ZFP69B: variants seen among roughly 807,000 people sequenced by gnomAD.
The protein encoded by ZFP69B is zinc finger protein 69 homolog B.
A neutral mutation model predicts 19.7 loss-of-function variants in ZFP69B; 20 were observed. That is an observed-to-expected ratio of 1.02 (90% CI 0.71 to 1.48). The LOEUF (loss-of-function observed/expected upper bound fraction) is 1.48, where lower values mean the gene tolerates loss of function less well. ZFP69B is among the 40% of genes most tolerant of loss of function. The probability of loss-of-function intolerance (pLI) is 0.00; values close to 1 mark genes in which losing one functional copy is unlikely to be tolerated. For missense variants in ZFP69B, 583 were observed against 632.6 expected (o/e 0.92, Z 0.84); for synonymous variants, 220 against 222.7 (o/e 0.99, Z 0.11).
rs1444121296 is a variant in ZFP69B, at chr1:40,462,598, G to A, written c.614G>A (p.Gly205Asp). 3.1e-6 allele frequency: 5 copies of A among 1,614,102 alleles called. No individual in the cohort carries two copies. The highest frequency in any genetic ancestry group is 4.2e-6 in the Non-Finnish European group (5 of 1,180,014). ...AGCCAACAAGAGAACCAAAGAATGG[G>A]TAAGGGGCAAATCCCCCTGATGTGC... ...LESQQENQRM[G>D]KGQIPLMCKK... The change falls in exon 5 of 5, where the codon GGT (glycine) becomes GAT (aspartate). Residue 205 changes from glycine (G) to aspartate (D), a missense_variant. Transcript: ENST00000361584.
rs12407929 is a variant in ZFP69B at position 40,463,059 on chromosome 1, G to A, written c.1075G>A (p.Gly359Arg). The A allele has an allele frequency of 7.3e-3, 11,788 of 1,614,098 alleles. 980 individuals are homozygous for A. In the Admixed American group the frequency reaches 0.17, roughly 23 times the overall value. Residue 359 changes from glycine (G) to arginine (R), a missense_variant, in exon 5 of 5, where the codon GGG (glycine) becomes AGG (arginine). By Grantham distance (125) the Gly-to-Arg change is moderately radical. Coordinates refer to ENST00000361584, the MANE Select transcript of ZFP69B (RefSeq NM_023070.3). The part of the protein sequence containing the change: ...SLTQHVRIHT[G>R]EKPYECRVCE... ...TACTCAACATGTTAGAATTCATACC[G>A]GGGAAAAGCCCTATGAATGTAGGGT...
rs771403576 is a variant in ZFP69B at position 40,462,900 on chromosome 1, C to T, written c.916C>T (p.Pro306Ser). 14 of 1,614,148 alleles carry T rather than the reference C, an allele frequency of 8.7e-6. No individual in the cohort carries two copies. The South Asian group carries it at 1.3e-4, about 15-fold the overall frequency. Residue 306 changes from proline to serine, a missense_variant, in exon 5 of 5, where the codon CCT becomes TCT. Coordinates refer to ENST00000361584, the MANE Select transcript of ZFP69B (RefSeq NM_023070.3). ...EHMRIHTGEK[P>S]FRCKECGKAF... ...CATGAGAATTCATACCGGGGAGAAA[C>T]CTTTCAGATGTAAGGAATGTGGAAA...
In ZFP69B at chr1:40,450,962, ATGCTGCAGCAGCTCC is replaced by A. The variant is rs1569964188; in HGVS notation, c.4_18del (p.LeuGlnGlnLeuLeu2_?6). On this transcript the variant is annotated start_lost and inframe_deletion, in exon 1 of 5. Coordinates refer to ENST00000361584, the MANE Select transcript of ZFP69B (RefSeq NM_023070.3). ...CTCAGAAAGGAGTGCGGACGCCGTC[ATGCTGCAGCAGCTCC>A]TGATCACCCTGCCCACCGAGGCCAG... The A allele has an allele frequency of 8.4e-6, 13 of 1,547,734 alleles. No homozygotes were observed. The highest frequency in any genetic ancestry group is 1.1e-5 in the Non-Finnish European group (13 of 1,145,200).
chr1:40,451,128 C>A, intron 1 of ZFP69B, 40 bp downstream of exon 1: 2 of 1,486,454 alleles, frequency 1.3e-6, no homozygotes, highest in East Asian at 5.2e-5. Flanking sequence ...GAAAAGCAGT[C>A]CCCTCTAGTG....
rs368768268 is a variant in ZFP69B at position 40,457,573 on chromosome 1, C to T, written c.436+134C>T. The stretch of plus-strand genomic sequence containing the variant: ...AAGTTGATTCTGTTATCTCTGTCAC[C>T]CTTTTCCCACACTTCCATCTTCTCA... On this transcript the variant is annotated intron_variant, in intron 4 of 4. Coordinates refer to ENST00000361584, the MANE Select transcript of ZFP69B (RefSeq NM_023070.3). 13 of 670,888 alleles carry T rather than the reference C, an allele frequency of 1.9e-5. No homozygotes were observed. The East Asian group carries it at 2.4e-4, about 13-fold the overall frequency. The allele number at this position is 670,888 out of a possible 1,614,324, so 41.6% of individuals were successfully genotyped here. A position where few individuals can be genotyped will look rare whatever the true frequency, so the allele number is the denominator to read the frequency against.
Position 40,463,279 on chromosome 1 carries a change from C to A in ZFP69B, c.1295C>A (p.Thr432Lys). Residue 432 changes from threonine to lysine, a missense_variant, in exon 5 of 5, where the codon ACA (threonine) becomes AAA (lysine). Physicochemically the swap from Thr to Lys is moderately conservative, Grantham distance 78. Coordinates refer to ENST00000361584, the MANE Select transcript of ZFP69B (RefSeq NM_023070.3). ...NVCSKTFSHS[T>K]YLTQHQRTHT... ...TGTAGTAAAACCTTCAGCCATAGTA[C>A]ATACCTAACTCAACACCAGAGAACT... The A allele has an allele frequency of 6.2e-7, 1 of 1,614,112 alleles. No individual in the cohort carries two copies. Among genetic ancestry groups the A allele is most frequent in the Non-Finnish European group, 8.5e-7 (1 of 1,180,014 alleles).
At chr1:40,459,619 G>T (rs1473997775) in intron 4 of ZFP69B, among the ~76,000 whole-genome samples, 1 of 152,156 alleles carries the variant, frequency 6.6e-6, no homozygotes, top group Admixed American at 6.6e-5. Context: ...CAACTTTCTA[G>T]TTGCATTTGC....
In ZFP69B at chr1:40,451,108, TG is replaced by T. The variant is rs1185236900; in HGVS notation, c.127+23del. On this transcript the variant is annotated intron_variant, in intron 1 of 4. Coordinates refer to ENST00000361584, the MANE Select transcript of ZFP69B (RefSeq NM_023070.3). Reference sequence around the variant, plus strand: ...CAGAAGGTAAGAATAAACTGATGGGTGGGAGGGAGGAAAAGCAGTCCCCTCT... The same window carrying T: ...CAGAAGGTAAGAATAAACTGATGGGTGGAGGGAGGAAAAGCAGTCCCCTCT... The T allele has an allele frequency of 4.0e-6, 6 of 1,506,254 alleles. No homozygotes were observed. In the Admixed American group the frequency reaches 1.3e-4, roughly 32 times the overall value. The allele number at this position is 1,506,254 out of a possible 1,614,324, so 93.3% of individuals were successfully genotyped here. A position where few individuals can be genotyped will look rare whatever the true frequency, so the allele number is the denominator to read the frequency against.
chr1:40,456,962 G>A lies in ZFP69B; in HGVS notation c.231G>A (p.Lys77=). 6.2e-7 allele frequency: 1 copy of A among 1,613,996 alleles called. No homozygotes were observed. The highest frequency in any genetic ancestry group is 8.5e-7 in the Non-Finnish European group (1 of 1,179,962). The part of the protein sequence containing the change: ...TAESQELLTF[K]DVSVDFTQEE... ...TGTTCTAGGAACTGTTAACCTTCAA[G>A]GACGTATCTGTGGACTTCACTCAGG... is the stretch of plus-strand genomic sequence containing the variant. The change falls in exon 3 of 5, where the codon AAG becomes AAA. Residue 77 remains lysine (K), a synonymous_variant. Coordinates refer to ENST00000361584, the MANE Select transcript of ZFP69B (RefSeq NM_023070.3).
At chr1:40,455,891 A>AT (rs1414317461) in intron 2 of ZFP69B, among the ~76,000 whole-genome samples, 8 of 152,160 alleles carry the variant, frequency 5.3e-5, no homozygotes, top group Non-Finnish European at 1.2e-4. Context: ...TTTGCTGAGA[A>AT]TGATGGTTTC....
At chr1:40,460,756 G>T (rs1323223366) in intron 4 of ZFP69B, among the ~76,000 whole-genome samples, 5 of 152,090 alleles carry the variant, frequency 3.3e-5, no homozygotes, top group Non-Finnish European at 7.4e-5. Context: ...GCCGAGGCGG[G>T]CGGATCATAA....
At position 40,450,929 on chromosome 1, in the gene ZFP69B, A is replaced by C. The variant is rs755501724; in HGVS notation, c.-33A>C. Reference sequence around the variant, plus strand: ...GTGGACAAGCCCTATGGGCTAAGACAGAGGGTCCTCAGAAAGGAGTGCGGA... The same window carrying C: ...GTGGACAAGCCCTATGGGCTAAGACCGAGGGTCCTCAGAAAGGAGTGCGGA... On this transcript the variant is annotated 5_prime_UTR_variant, in exon 1 of 5. Coordinates refer to ENST00000361584, the MANE Select transcript of ZFP69B (RefSeq NM_023070.3). 6.5e-7 allele frequency: 1 copy of C among 1,530,752 alleles called. No homozygotes were observed. The highest frequency in any genetic ancestry group is 8.8e-7 in the Non-Finnish European group (1 of 1,137,474). 94.8% of individuals were successfully genotyped at this position (1,530,752 alleles called of 1,614,324 possible). A position where few individuals can be genotyped will look rare whatever the true frequency, so the allele number is the denominator to read the frequency against.
At chr1:40,462,240 GCTT>G (rs1207074808) in intron 4 of ZFP69B, among the ~76,000 whole-genome samples, 178 bp from the exon 5 acceptor site, 1 of 152,092 alleles carries the variant, frequency 6.6e-6, no homozygotes, top group Non-Finnish European at 1.5e-5. Context: ...ACTTCTGACA[GCTT>G]CTTTTCTCTA....
chr1:40,451,077 T>A lies in ZFP69B; in HGVS notation c.116T>A (p.Phe39Tyr), dbSNP rs1437057711. ...CTGTGGGAGGATGTGACTAAGATGT[T>A]TAAAGCAGAAGGTAAGAATAAACTG... ...VALWEDVTKM[F>Y]KAEALLSQDA... Residue 39 changes from phenylalanine (F) to tyrosine (Y), a missense_variant, in exon 1 of 5, where the codon TTT (phenylalanine) becomes TAT (tyrosine). Transcript: ENST00000361584. The A allele has an allele frequency of 1.3e-6, 2 of 1,541,238 alleles. No homozygotes were observed. The highest frequency in any genetic ancestry group is 1.8e-6 in the Non-Finnish European group (2 of 1,142,206).
chr1:40,450,148 G>C (rs970243762), upstream of ZFP69B: 1 of 152,320 alleles, frequency 6.6e-6, no homozygotes, highest in Non-Finnish European at 1.5e-5. Context: ...GTGGGAAGGC[G>C]GGGGCGTGCC....
chr1:40,455,927 G>A (rs1645228660), intron 2 of ZFP69B, among the ~76,000 whole-genome samples: 1 of 152,150 alleles, frequency 6.6e-6, no homozygotes, highest in Non-Finnish European at 1.5e-5. Context: ...CCCTGCAAAG[G>A]ACATGAACTC....
chr1:40,451,438 G>A (rs144550063), intron 1 of ZFP69B, among the ~76,000 whole-genome samples: 1 of 152,336 alleles, frequency 6.6e-6, no homozygotes, highest in Non-Finnish European at 1.5e-5. Context: ...AGGTCAGAAA[G>A]AGAAGCAGCA....
In ZFP69B at chr1:40,460,609, C is replaced by T. The variant is rs1645272667; in HGVS notation, c.437-1812C>T. ...CCTATAATCTCAGCACTTTTGGAGG[C>T]CGAGGCGGGCAGATCACTTGAGGTC... On this transcript the variant is annotated intron_variant, in intron 4 of 4. Transcript: ENST00000361584. Among the ~76,000 whole-genome samples, 3 of 152,258 alleles carry T rather than the reference C, an allele frequency of 2.0e-5. No individual in the cohort carries two copies. In the South Asian group the frequency reaches 6.2e-4, roughly 32 times the overall value.
At chr1:40,460,955 T>G (rs1381152246) in intron 4 of ZFP69B, among the ~76,000 whole-genome samples, 9 of 138,172 alleles carry the variant, frequency 6.5e-5, no homozygotes, top group African/African-American at 2.5e-4. Context: ...CATGCCAGCT[T>G]AGCAACAGAG....
Sources: gnomAD v4.1 joint callset for allele counts (sites outside exome capture counted in the v4.1 genomes callset) on GRCh38, gnomAD v4.1.1 for gene constraint, MANE v1.5 for transcripts, NCBI Gene and HGNC (gene_info 2026-07-23, HGNC 2026-07-21) for gene names.